ATE1: variants seen among roughly 807,000 people sequenced by gnomAD.
ATE1 encodes arginyl-tRNA--protein transferase 1.
ATE1 carries 36 observed loss-of-function variants against 70.5 expected under a neutral mutation model. The observed-to-expected ratio is 0.51, with a 90% CI of 0.39 to 0.67. The LOEUF (loss-of-function observed/expected upper bound fraction) is 0.67. Ranked by LOEUF, ATE1 falls within the 30% of genes least tolerant of loss-of-function variation. The probability of loss-of-function intolerance (pLI) is 0.00; values close to 1 mark genes in which losing one functional copy is unlikely to be tolerated. For missense variants in ATE1, 593 were observed against 629.5 expected (o/e 0.94, Z 0.62); for synonymous variants, 232 against 219.3 (o/e 1.06, Z -0.51).
At chr10:121,783,375 A>G (rs1368902574) in intron 11 of ATE1, among the ~76,000 whole-genome samples, 3 of 152,152 alleles carry the variant, frequency 2.0e-5, no homozygotes, top group African/African-American at 7.2e-5. Context: ...AAATAGAAAC[A>G]ACAAGTCACC....
chr10:121,740,861 T>C lies in ATE1; in HGVS notation c.*2819A>G, dbSNP rs1944127282. 6.6e-6 allele frequency: 1 copy of C among 152,220 alleles called. No homozygotes were observed. The highest frequency in any genetic ancestry group is 1.5e-5 in the Non-Finnish European group (1 of 68,042). The allele number at this position is 152,220 out of a possible 1,614,324, so 9.4% of individuals were successfully genotyped here. On this transcript the variant is annotated 3_prime_UTR_variant, in exon 12 of 12. Transcript: ENST00000224652. ...ATAGTAATATTTATCTAAATAATTT[T>C]AATCAAATGTACAACATATTTATCT...
chr10:121,871,846 C>T (rs1949873478), intron 7 of ATE1, among the ~76,000 whole-genome samples: 1 of 152,134 alleles, frequency 6.6e-6, no homozygotes, highest in Non-Finnish European at 1.5e-5. Flanking sequence ...TCTGAAAGTG[C>T]AAAATATACC....
At chr10:121,781,477 C>G (rs532974592) in intron 11 of ATE1, among the ~76,000 whole-genome samples, 2 of 152,186 alleles carry the variant, frequency 1.3e-5, no homozygotes, top group Non-Finnish European at 2.9e-5. Flanking sequence ...CAGATGTACA[C>G]CAGGTGTCTC....
chr10:121,751,569 G>T (rs1243672611), intron 11 of ATE1, among the ~76,000 whole-genome samples: 4 of 152,182 alleles, frequency 2.6e-5, no homozygotes, highest in African/African-American at 9.7e-5. Context: ...AGCTAATGAT[G>T]CTGAGCATCT....
In ATE1 at chr10:121,842,816, A is replaced by ACAAACTGGGAACAGTTTGT. The variant is rs1296474803; in HGVS notation, c.976-1554_976-1553insACAAACTGTTCCCAGTTTG. Among the ~76,000 whole-genome samples, 3 of 152,178 alleles carry ACAAACTGGGAACAGTTTGT rather than the reference A, an allele frequency of 2.0e-5. No individual in the cohort carries two copies. In the East Asian group the frequency reaches 5.8e-4, roughly 29 times the overall value. On this transcript the variant is annotated intron_variant, in intron 8 of 11. Transcript: ENST00000224652. Reference sequence around the variant, plus strand: ...AAGACCCAACACCTATTCATGACTAATCACTCTTAACAAACTGGGAACAGA... The same window carrying ACAAACTGGGAACAGTTTGT: ...AAGACCCAACACCTATTCATGACTAACAAACTGGGAACAGTTTGTTCACTCTTAACAAACTGGGAACAGA...
chr10:121,857,903 T>C (rs554521980), intron 8 of ATE1, among the ~76,000 whole-genome samples: 13 of 152,240 alleles, frequency 8.5e-5, no homozygotes, highest in Non-Finnish European at 1.2e-4. Flanking sequence ...CTGTAGCCAC[T>C]TGACTACTGT....
At chr10:121,803,363 G>A (rs1172822226) in intron 10 of ATE1, among the ~76,000 whole-genome samples, 1 of 152,174 alleles carries the variant, frequency 6.6e-6, no homozygotes, top group Non-Finnish European at 1.5e-5. Flanking sequence ...AAAAGGAGGA[G>A]GGAGGGATAT....
At chr10:121,810,352 G>C (rs1590360195) in intron 10 of ATE1, among the ~76,000 whole-genome samples, 1 of 150,884 alleles carries the variant, frequency 6.6e-6, no homozygotes, top group East Asian at 2.0e-4. Context: ...CTCACTGCAA[G>C]CTCTGCCTCC....
intron 11 of ATE1, among the ~76,000 whole-genome samples, chr10:121,760,793 T>C (rs1210786812): frequency 1.3e-5 from 2 of 152,250 alleles, no homozygotes; most frequent in Admixed American, 6.5e-5. Flanking sequence ...CAGCACTGCA[T>C]GCTACAGAGA....
intron 7 of ATE1, 68 bp from the exon 8 acceptor site, chr10:121,870,106 A>T: frequency 6.9e-7 from 1 of 1,442,236 alleles, no homozygotes; most frequent in Non-Finnish European, 9.7e-7. Context: ...CACAGAGAAA[A>T]AGAAAAAATT....
At position 121,743,460 on chromosome 10, in the gene ATE1, T is replaced by C; in HGVS notation, c.*220A>G. On this transcript the variant is annotated 3_prime_UTR_variant, in exon 12 of 12. Transcript: ENST00000224652. ...AATCCTCCAAAATGATAAATCCCAA[T>C]TATGGGGGCTAGGTCATAATGCAGT... is the stretch of plus-strand genomic sequence containing the variant. 1.2e-6 allele frequency: 1 copy of C among 858,434 alleles called. No individual in the cohort carries two copies. Among genetic ancestry groups the C allele is most frequent in the Non-Finnish European group, 1.5e-6 (1 of 655,814 alleles). 53.2% of individuals were successfully genotyped at this position (858,434 alleles called of 1,614,324 possible).
intron 7 of ATE1, among the ~76,000 whole-genome samples, chr10:121,895,046 A>T (rs1279010166): frequency 6.6e-6 from 1 of 152,228 alleles, no homozygotes; most frequent in East Asian, 1.9e-4. Flanking sequence ...GCTACAAGTA[A>T]TATAAAAATC....
chr10:121,896,311 AG>A (rs895039868), intron 7 of ATE1, among the ~76,000 whole-genome samples: 1 of 152,206 alleles, frequency 6.6e-6, no homozygotes, highest in Non-Finnish European at 1.5e-5. Flanking sequence ...TACATACTGA[AG>A]GACTTAATTA....
chr10:121,772,672 C>G (rs1945571547), intron 11 of ATE1, among the ~76,000 whole-genome samples: 1 of 152,196 alleles, frequency 6.6e-6, no homozygotes, highest in Non-Finnish European at 1.5e-5. Context: ...TCAGTAACTG[C>G]TAAAGCTCAA....
intron 10 of ATE1, among the ~76,000 whole-genome samples, chr10:121,812,434 A>G (rs933055040): frequency 3.3e-5 from 5 of 152,274 alleles, no homozygotes; most frequent in East Asian, 3.9e-4. Flanking sequence ...TGGGGAGAAG[A>G]AGGAGGAGGA....
intron 11 of ATE1, among the ~76,000 whole-genome samples, chr10:121,785,265 T>A (rs1002602579): frequency 9.9e-5 from 15 of 152,178 alleles, no homozygotes; most frequent in African/African-American, 3.6e-4. Flanking sequence ...GGAAAGATAC[T>A]ATTATTAGTC....
intron 10 of ATE1, among the ~76,000 whole-genome samples, chr10:121,834,594 A>C (rs2133731184): frequency 6.6e-6 from 1 of 152,298 alleles, no homozygotes; most frequent in Middle Eastern, 3.4e-3. Context: ...CCTAGGAAGG[A>C]GACAAAAGAA....
intron 3 of ATE1, among the ~76,000 whole-genome samples, chr10:121,918,800 G>C (rs1376306349): frequency 6.6e-6 from 1 of 150,986 alleles, no homozygotes; most frequent in Non-Finnish European, 1.5e-5. Flanking sequence ...CTGGACTTCT[G>C]GGTCGGGGCG....
At chr10:121,906,601 G>A (rs12782903) in intron 5 of ATE1, among the ~76,000 whole-genome samples, 26,741 of 151,634 alleles carry the variant, frequency 0.18, 3,086 homozygotes, top group Non-Finnish European at 0.25. Flanking sequence ...AAAAATCCAA[G>A]GTTTTTTGTT....
Sources: allele counts gnomAD v4.1 joint callset (sites outside exome capture counted in the v4.1 genomes callset), GRCh38; gene constraint gnomAD v4.1.1; transcripts MANE v1.5; gene names NCBI Gene and HGNC (gene_info 2026-07-23, HGNC 2026-07-21).